The following CSMD3 variants were observed in gnomAD, a reference collection of about 807,000 sequenced individuals.
CSMD3 encodes the protein CUB and Sushi multiple domains 3.
A neutral mutation model predicts 435.2 loss-of-function variants in CSMD3; 177 were observed. The ratio of observed to expected loss-of-function variants is 0.41; its 90% CI spans 0.36 to 0.46. The LOEUF is 0.46. Ranked by LOEUF, CSMD3 falls within the 20% of genes least tolerant of loss-of-function variation. The probability of loss-of-function intolerance (pLI) is 0.34; values close to 1 mark genes in which losing one functional copy is unlikely to be tolerated. For synonymous variants in CSMD3, 1,656 were observed against 1,520.5 expected, an observed-to-expected ratio of 1.09 and a Z score of -2.07; for missense variants, 4,265 against 4,504.6, an observed-to-expected ratio of 0.95 and a Z score of 1.52.
At chr8:112,753,496 A>C (rs898710326) in intron 13 of CSMD3, among the ~76,000 whole-genome samples, 7 of 152,318 alleles carry the variant, frequency 4.6e-5, no homozygotes, top group African/African-American at 1.7e-4. Flanking sequence ...CATTAAATTA[A>C]ATTGAATTAA....
At chr8:112,452,289 C>T (rs1816372074) in intron 32 of CSMD3, among the ~76,000 whole-genome samples, 1 of 152,166 alleles carries the variant, frequency 6.6e-6, no homozygotes, top group African/African-American at 2.4e-5. Context: ...GGTGGGGACA[C>T]ATTTAAACTA....
intron 10 of CSMD3, among the ~76,000 whole-genome samples, chr8:112,860,560 C>T (rs2080799231): frequency 6.6e-6 from 1 of 151,382 alleles, no homozygotes. Context: ...CAGTCTGATT[C>T]TCATTCTCAT....
rs2085165345 is a variant in CSMD3, at chr8:112,984,261, C to G, written c.1031-8113G>C. On this transcript the variant is annotated intron_variant, in intron 6 of 70. Coordinates refer to ENST00000297405, the MANE Select transcript of CSMD3 (RefSeq NM_198123.2). ...GTGATTATTATGCTAATTTCCTTTA[C>G]ACAAATACCTTTCATTTAGAGAATA... Among the ~76,000 whole-genome samples, 9 of 151,796 alleles carry G rather than the reference C, an allele frequency of 5.9e-5. No individual in the cohort carries two copies. In the South Asian group the frequency reaches 1.9e-3, roughly 32 times the overall value.
intron 2 of CSMD3, among the ~76,000 whole-genome samples, chr8:113,296,791 A>G (rs1024650076): frequency 6.6e-6 from 1 of 152,124 alleles, no homozygotes; most frequent in Non-Finnish European, 1.5e-5. Flanking sequence ...ACGTCAGAAA[A>G]CCAGCCAACA....
chr8:113,140,148 G>A (rs765286790), intron 4 of CSMD3, among the ~76,000 whole-genome samples: 1 of 150,550 alleles, frequency 6.6e-6, no homozygotes, highest in African/African-American at 2.4e-5. Context: ...ATTACCAGAC[G>A]CAGAAACGGA....
chr8:112,378,043 G>T (rs1214719426), intron 38 of CSMD3, among the ~76,000 whole-genome samples: 2 of 152,082 alleles, frequency 1.3e-5, no homozygotes, highest in East Asian at 3.9e-4. Context: ...AAGTGAAAAA[G>T]GAAGAATTAA....
At chr8:113,208,114 T>C (rs1391733162) in intron 3 of CSMD3, among the ~76,000 whole-genome samples, 1 of 152,182 alleles carries the variant, frequency 6.6e-6, no homozygotes, top group Non-Finnish European at 1.5e-5. Context: ...GGAAACGTTA[T>C]TTTAACCAAA....
chr8:112,813,453 T>C (rs1031839236), intron 12 of CSMD3, among the ~76,000 whole-genome samples: 4 of 152,154 alleles, frequency 2.6e-5, no homozygotes, highest in Admixed American at 2.6e-4. Flanking sequence ...TTACAAAGTA[T>C]GTTCACAAGG....
intron 5 of CSMD3, among the ~76,000 whole-genome samples, chr8:113,043,592 GAC>G (rs1196590671): frequency 2.6e-5 from 4 of 152,010 alleles, no homozygotes; most frequent in African/African-American, 9.7e-5. Context: ...GCCTTTGACT[GAC>G]TGAATTATTC....
At chr8:112,875,137 T>C (rs2081245203) in intron 10 of CSMD3, among the ~76,000 whole-genome samples, 1 of 152,158 alleles carries the variant, frequency 6.6e-6, no homozygotes, top group Non-Finnish European at 1.5e-5. Context: ...TCTCAGAATT[T>C]CCTTGTCTAT....
chr8:112,407,451 A>G (rs1255156487), intron 34 of CSMD3, among the ~76,000 whole-genome samples: 6 of 151,980 alleles, frequency 3.9e-5, no homozygotes, highest in African/African-American at 9.7e-5. Flanking sequence ...GATTAAAGAG[A>G]TTGACAATAG....
intron 35 of CSMD3, among the ~76,000 whole-genome samples, chr8:112,405,678 A>T (rs1035531126): frequency 6.6e-6 from 1 of 151,942 alleles, no homozygotes; most frequent in Non-Finnish European, 1.5e-5. Context: ...AATATTTGTG[A>T]AAGACTGAAA....
At chr8:112,756,930 A>C (rs2077714983) in intron 13 of CSMD3, among the ~76,000 whole-genome samples, 1 of 151,838 alleles carries the variant, frequency 6.6e-6, no homozygotes, top group African/African-American at 2.4e-5. Flanking sequence ...CACCATGCCC[A>C]GCTAATTTTT....
chr8:113,096,362 A>G (rs1345855275), intron 5 of CSMD3, among the ~76,000 whole-genome samples: 1 of 152,154 alleles, frequency 6.6e-6, no homozygotes, highest in East Asian at 1.9e-4. Flanking sequence ...TATTCTTTAG[A>G]GCTATTCTTT....
At chr8:112,801,022 G>C (rs924492448) in intron 12 of CSMD3, among the ~76,000 whole-genome samples, 1 of 151,978 alleles carries the variant, frequency 6.6e-6, no homozygotes, top group Non-Finnish European at 1.5e-5. Context: ...ACCTTAGGTT[G>C]CGGGGAAGTC....
chr8:112,241,688 T>G, intron 66 of CSMD3, 32 bp downstream of exon 66: 4 of 1,483,870 alleles, frequency 2.7e-6, no homozygotes, highest in Non-Finnish European at 2.8e-6. Context: ...TTAGAAATAA[T>G]GAACTCTAGA....
intron 59 of CSMD3, among the ~76,000 whole-genome samples, chr8:112,275,168 A>AT (rs1327820610): frequency 3.5e-5 from 5 of 142,728 alleles, no homozygotes; most frequent in Admixed American, 7.4e-5. Flanking sequence ...ACTAACCACA[A>AT]TAAAAAAAAA....
chr8:113,172,111 T>A (rs537352455), intron 4 of CSMD3, among the ~76,000 whole-genome samples: 3 of 152,206 alleles, frequency 2.0e-5, no homozygotes, highest in Non-Finnish European at 4.4e-5. Context: ...CTAGTGCTGC[T>A]GTGAGTAATA....
chr8:112,839,490 C>A (rs530623918), intron 11 of CSMD3, among the ~76,000 whole-genome samples: 1 of 151,728 alleles, frequency 6.6e-6, no homozygotes, highest in African/African-American at 2.4e-5. Context: ...TTCCATAATA[C>A]ATATAAATGA....
Sources: allele counts gnomAD v4.1 joint callset (sites outside exome capture counted in the v4.1 genomes callset), GRCh38; gene constraint gnomAD v4.1.1; transcripts MANE v1.5; gene names NCBI Gene and HGNC (gene_info 2026-07-23, HGNC 2026-07-21).